PPL: variants seen among roughly 807,000 people sequenced by gnomAD.
PPL encodes 190 kDa paraneoplastic pemphigus antigen.
In PPL, 198 loss-of-function variants were observed where a neutral mutation model predicts 194.4. The ratio of observed to expected loss-of-function variants is 1.02; its 90% CI spans 0.91 to 1.15. The LOEUF (loss-of-function observed/expected upper bound fraction) is 1.15. Among genes scored for constraint, PPL ranks in the 50% most tolerant of loss-of-function variants. PPL has a pLI of 0.00. For synonymous variants in PPL, 1,220 were observed against 972.4 expected, an observed-to-expected ratio of 1.25 and a Z score of -4.74; for missense variants, 2,885 against 2,294.8, an observed-to-expected ratio of 1.26 and a Z score of -5.25.
In PPL at chr16:4,883,627, A is replaced by G; in HGVS notation, c.5028T>C (p.Arg1676=). 1.2e-6 allele frequency: 2 copies of G among 1,614,192 alleles called. No individual in the cohort carries two copies. The highest frequency in any genetic ancestry group is 2.2e-5 in the South Asian group (2 of 91,084). The change falls in exon 22 of 22, where the codon CGT becomes CGC. Residue 1676 remains arginine (R), a synonymous_variant. Coordinates refer to ENST00000345988, the MANE Select transcript of PPL (RefSeq NM_002705.5). The surrounding 1 kb of genome is among the most constrained non-coding windows in gnomAD (Gnocchi z 4.8). ...ACATGTTCCAGTCAATGAGCCCGGC[A>G]CGGTGGGCTTCCTCCGGGGACAGCT... ...GRELSPEEAH[R]AGLIDWNMFV...
At chr16:4,905,516 C>T (rs539921708) in intron 2 of PPL, among the ~76,000 whole-genome samples, 4 of 152,166 alleles carry the variant, frequency 2.6e-5, no homozygotes, top group African/African-American at 4.8e-5. Context: ...GATTCATGGG[C>T]GTGGTTCTGC....
intron 1 of PPL, among the ~76,000 whole-genome samples, chr16:4,918,117 A>C (rs2088962756): frequency 6.6e-6 from 1 of 151,880 alleles, no homozygotes; most frequent in African/African-American, 2.4e-5. Context: ...ACATGGTGAA[A>C]CCTCGTCTCT....
intron 2 of PPL, among the ~76,000 whole-genome samples, chr16:4,909,855 G>A (rs973707750): frequency 3.9e-5 from 6 of 152,086 alleles, no homozygotes; most frequent in Non-Finnish European, 7.3e-5. Flanking sequence ...ATAACACATG[G>A]GCTTTCCTGC....
At chr16:4,933,677 C>T (rs761700802) in intron 1 of PPL, among the ~76,000 whole-genome samples, 39 of 152,182 alleles carry the variant, frequency 2.6e-4, no homozygotes, top group Non-Finnish European at 4.1e-4. Flanking sequence ...ATCAGTCCGA[C>T]GCTCATGTAA....
At chr16:4,923,546 C>A (rs1037386364) in intron 1 of PPL, among the ~76,000 whole-genome samples, 13 of 152,206 alleles carry the variant, frequency 8.5e-5, no homozygotes, top group African/African-American at 3.1e-4. Context: ...CCCTTGATGT[C>A]TTCAGCTGTA....
intron 20 of PPL, among the ~76,000 whole-genome samples, chr16:4,887,490 C>G (rs2088237899): frequency 1.3e-5 from 2 of 152,152 alleles, no homozygotes; most frequent in Non-Finnish European, 2.9e-5. Context: ...CCAGTGTTCT[C>G]TCTTGTGTGT....
chr16:4,884,858 T>A lies in PPL; in HGVS notation c.3797A>T (p.Asp1266Val). ...VDKTRLIERC[D>V]LEIYQLKKEI... ...CTTTTTCAGCTGGTAGATCTCTAAA[T>A]CACACCTTTCGATCAGTCTGGTCTT... Residue 1266 changes from aspartate to valine, a missense_variant, in exon 22 of 22, where the codon GAT (aspartate) becomes GTT (valine). Physicochemically the swap from Asp to Val is radical, Grantham distance 152 (BLOSUM62 -3). Transcript: ENST00000345988. This position sits in a 1 kb window ranked among gnomAD's most constrained non-coding sequence, Gnocchi z 5.7. 6.2e-7 allele frequency: 1 copy of A among 1,614,110 alleles called. No homozygotes were observed. Among genetic ancestry groups the A allele is most frequent in the African/African-American group, 1.3e-5 (1 of 75,020 alleles).
At position 4,937,040 on chromosome 16, in the gene PPL, G is replaced by C. The variant is rs188851378; in HGVS notation, c.6C>G (p.Asn2Lys). The change falls in exon 1 of 22, where the codon AAC becomes AAG. Residue 2 changes from asparagine to lysine, a missense_variant. Physicochemically the swap from Asn to Lys is moderately conservative, Grantham distance 94 (BLOSUM62 0). Coordinates refer to ENST00000345988, the MANE Select transcript of PPL (RefSeq NM_002705.5). MNSLFRKRNKGK... is the reference protein window; with the variant it reads MKSLFRKRNKGK... ...CTTTGTTTCTCTTCCTGAAGAGCGA[G>C]TTCATGGTGGCGCTCGGGGTGCGGG... 4.0e-6 allele frequency: 6 copies of C among 1,489,692 alleles called. No homozygotes were observed. In the East Asian group the frequency reaches 1.1e-4, roughly 27 times the overall value. 92.3% of individuals were successfully genotyped at this position (1,489,692 alleles called of 1,614,324 possible).
At chr16:4,891,652 T>A (rs2088321414) in intron 16 of PPL, 159 bp downstream of exon 16, 1 of 857,708 alleles carries the variant, frequency 1.2e-6, no homozygotes, top group Non-Finnish European at 1.8e-6. Flanking sequence ...ATAGCTTGGA[T>A]TTGTGCTGTG....
Position 4,883,899 on chromosome 16 carries a change from T to C in PPL, c.4756A>G (p.Ile1586Val), listed in dbSNP as rs746198478. 21 of 1,613,898 alleles carry C rather than the reference T, an allele frequency of 1.3e-5. No homozygotes were observed. In the African/African-American group the frequency reaches 2.5e-4, roughly 19 times the overall value. ...CGTGTTTCCGTCGCTGCCATGTTGA[T>C]TTCCGATTGGAGCCTTCGGGTCTCC... Reference protein sequence around the residue: ...QLETRRLQSEINMAATETRDL... With the variant: ...QLETRRLQSEVNMAATETRDL... The change falls in exon 22 of 22, where the codon ATC becomes GTC. Residue 1586 changes from isoleucine (I) to valine (V), a missense_variant. Ile to Val is a conservative substitution (Grantham distance 29). Transcript: ENST00000345988. The surrounding 1 kb of genome is among the most constrained non-coding windows in gnomAD (Gnocchi z 4.8).
In PPL at chr16:4,887,389, G is replaced by A. The variant is rs28532166; in HGVS notation, c.2515-162C>T. ...CCTGGAGTTAGACTGTAGCCTCACC[G>A]GTGGAGAGAAAAATGGATCTCGAGG... On this transcript the variant is annotated intron_variant, in intron 20 of 21. Coordinates refer to ENST00000345988, the MANE Select transcript of PPL (RefSeq NM_002705.5). Among the ~76,000 whole-genome samples the A allele has an allele frequency of 0.05, 7,665 of 152,188 alleles. 658 individuals carry two copies. Among genetic ancestry groups the A allele is most frequent in the African/African-American group, 0.17 (7,240 of 41,464 alleles).
In PPL at chr16:4,894,577, GTTC is replaced by G. The variant is rs1199030552; in HGVS notation, c.1281_1283del (p.Lys427del). The G allele has an allele frequency of 1.2e-6, 2 of 1,613,768 alleles. No individual in the cohort carries two copies. Among genetic ancestry groups the G allele is most frequent in the Non-Finnish European group, 1.7e-6 (2 of 1,179,984 alleles). The stretch of plus-strand genomic sequence containing the variant: ...CCATGAGCTCCCAGCTCTCCCCGTT[GTTC>G]TTCTGCAGGGTGTAGCTGTAGCCCC... On this transcript the variant is annotated inframe_deletion, in exon 12 of 22. Transcript: ENST00000345988.
chr16:4,893,279 G>A lies in PPL; in HGVS notation c.1584C>T (p.Ile528=), dbSNP rs1287785210. The change falls in exon 14 of 22, where the codon ATC becomes ATT. Residue 528 remains isoleucine (I), a synonymous_variant. Coordinates refer to ENST00000345988, the MANE Select transcript of PPL (RefSeq NM_002705.5). ...GGCCTTGCTCCAGTGGTGGCCGCAGGATCCCTGTGATGGCCTTCTCCTGCC... is the reference window on the plus strand; with the variant it reads ...GGCCTTGCTCCAGTGGTGGCCGCAGAATCCCTGTGATGGCCTTCTCCTGCC... ...LDRQEKAITG[I]LRPPLEQGRA... is the part of the protein sequence containing the mutation. 3.1e-6 allele frequency: 5 copies of A among 1,602,040 alleles called. No homozygotes were observed. Among genetic ancestry groups the A allele is most frequent in the Non-Finnish European group, 4.2e-6 (5 of 1,177,196 alleles).
At chr16:4,906,220 AT>A (rs988584223) in intron 2 of PPL, among the ~76,000 whole-genome samples, 1 of 151,812 alleles carries the variant, frequency 6.6e-6, no homozygotes, top group East Asian at 1.9e-4. Context: ...GAATTTTTAA[AT>A]TTTTTTTGTT....
intron 2 of PPL, 123 bp downstream of exon 2, chr16:4,910,727 T>C: frequency 1.2e-6 from 1 of 866,922 alleles, no homozygotes; most frequent in Admixed American, 1.9e-5. Flanking sequence ...AAAATGTCTC[T>C]GCATGTTCCC....
Position 4,885,505 on chromosome 16 carries a change from C to T in PPL, c.3150G>A (p.Glu1050=). The T allele has an allele frequency of 6.2e-7, 1 of 1,611,572 alleles. No individual in the cohort carries two copies. Among genetic ancestry groups the T allele is most frequent in the Non-Finnish European group, 8.5e-7 (1 of 1,179,972 alleles). ...TCACCACCTCTTTCTCTGTGACCTT[C>T]TCCTGCGCCCGGCTCTTCTCTTCAG... ...ALAEEKSRAQ[E]KVTEKEVVKL... Residue 1050 remains glutamate (E), a synonymous_variant, in exon 22 of 22, where the codon GAG becomes GAA. Transcript: ENST00000345988. This position sits in a 1 kb window ranked among gnomAD's most constrained non-coding sequence, Gnocchi z 6.3.
intron 2 of PPL, among the ~76,000 whole-genome samples, chr16:4,905,211 A>G (rs1464256969): frequency 6.6e-6 from 1 of 152,210 alleles, no homozygotes; most frequent in Non-Finnish European, 1.5e-5. Context: ...TATAATGGGC[A>G]TAAGGAAAAT....
Position 4,883,477 on chromosome 16 carries a change from C to T in PPL, c.5178G>A (p.Gln1726=), listed in dbSNP as rs757834411. The T allele has an allele frequency of 6.2e-7, 1 of 1,614,212 alleles. No homozygotes were observed. The highest frequency in any genetic ancestry group is 1.1e-5 in the South Asian group (1 of 91,084). The change falls in exon 22 of 22, where the codon CAG becomes CAA. Residue 1726 remains glutamine (Q), a synonymous_variant. Coordinates refer to ENST00000345988, the MANE Select transcript of PPL (RefSeq NM_002705.5). The surrounding 1 kb of genome is among the most constrained non-coding windows in gnomAD (Gnocchi z 4.8). ...GKKFSIEEAL[Q]SGRLTPAQYD... ...ACTGAGCAGGGGTCAGCCTGCCACTCTGCAGGGCCTCTTCGATGGAGAACT... is the reference window on the plus strand; with the variant it reads ...ACTGAGCAGGGGTCAGCCTGCCACTTTGCAGGGCCTCTTCGATGGAGAACT...
chr16:4,914,783 G>A (rs758243090), intron 1 of PPL, among the ~76,000 whole-genome samples: 2 of 152,180 alleles, frequency 1.3e-5, no homozygotes, highest in Non-Finnish European at 2.9e-5. Flanking sequence ...GGCTTTGGAT[G>A]GAGGATCTCG....
Sources: gnomAD v4.1 joint callset for allele counts (sites outside exome capture counted in the v4.1 genomes callset) on GRCh38, gnomAD v4.1.1 for gene constraint, Gnocchi (gnomAD v3.1) non-coding constraint, MANE v1.5 for transcripts, NCBI Gene and HGNC (gene_info 2026-07-23, HGNC 2026-07-21) for gene names.